Variants in GMDS observed in about 807,000 individuals in gnomAD.
GMDS encodes the protein GDP-mannose 4,6-dehydratase, also known as GDP-mannose 4,6 dehydratase.
Under a neutral mutation model 49.9 loss-of-function variants are expected in GMDS, and 20 were observed. The observed-to-expected ratio is 0.40, with a 90% CI of 0.28 to 0.58. The LOEUF is 0.58. GMDS is among the 20% of genes least tolerant of loss of function. GMDS has a pLI of 0.42. For synonymous variants in GMDS, 177 were observed against 178.6 expected, an observed-to-expected ratio of 0.99 and a Z score of 0.07; for missense variants, 362 against 481.4, an observed-to-expected ratio of 0.75 and a Z score of 2.32.
intron 4 of GMDS, among the ~76,000 whole-genome samples, chr6:2,018,487 A>G (rs1029676420): frequency 2.0e-5 from 3 of 152,194 alleles, no homozygotes; most frequent in Non-Finnish European, 4.4e-5. Flanking sequence ...TTTAGCAGTC[A>G]CTGGCCATTT....
At chr6:1,822,640 T>G (rs1403698984) in intron 7 of GMDS, among the ~76,000 whole-genome samples, 1 of 152,190 alleles carries the variant, frequency 6.6e-6, no homozygotes, top group African/African-American at 2.4e-5. Context: ...AATAGAATTA[T>G]CTGTTAATGT....
chr6:1,979,714 T>G (rs931124858), intron 4 of GMDS, among the ~76,000 whole-genome samples: 1 of 152,044 alleles, frequency 6.6e-6, no homozygotes, highest in African/African-American at 2.4e-5. Flanking sequence ...AAATACTTCA[T>G]AAGAAGATGA....
chr6:1,685,190 A>T (rs1167833386), intron 9 of GMDS, among the ~76,000 whole-genome samples: 2 of 150,168 alleles, frequency 1.3e-5, no homozygotes, highest in Non-Finnish European at 3.0e-5. Flanking sequence ...TGAGGTCAAG[A>T]GTTCGAGATC....
At chr6:2,168,374 G>T (rs1354447104) in intron 1 of GMDS, among the ~76,000 whole-genome samples, 1 of 152,198 alleles carries the variant, frequency 6.6e-6, no homozygotes, top group African/African-American at 2.4e-5. Context: ...AGATCCATGA[G>T]TAGAAGAAAC....
intron 4 of GMDS, among the ~76,000 whole-genome samples, chr6:2,039,535 T>A (rs1561997449): frequency 6.6e-6 from 1 of 152,146 alleles, no homozygotes; most frequent in Non-Finnish European, 1.5e-5. Context: ...ACAAAAAATA[T>A]TTTCTTTCTT....
intron 4 of GMDS, among the ~76,000 whole-genome samples, chr6:2,052,441 A>G (rs776916363): frequency 8.5e-5 from 13 of 152,238 alleles, no homozygotes; most frequent in Admixed American, 7.8e-4. Context: ...AAACAGAGAG[A>G]AAAACCTCCA....
intron 9 of GMDS, among the ~76,000 whole-genome samples, chr6:1,721,333 G>A (rs944558170): frequency 1.7e-4 from 26 of 152,066 alleles, no homozygotes; most frequent in African/African-American, 6.0e-4. Flanking sequence ...TTTAACCTAT[G>A]ATTTTTCCCT....
rs948592021 is a variant in GMDS at position 2,245,509 on chromosome 6, A to T, written c.-87T>A. ...CGGCAGGAACGCGGGGGTGTGCAGCACGAAGCGCCTCTCCAGGCTGCGGGC... is the reference window on the plus strand; with the variant it reads ...CGGCAGGAACGCGGGGGTGTGCAGCTCGAAGCGCCTCTCCAGGCTGCGGGC... On this transcript the variant is annotated 5_prime_UTR_variant, in exon 1 of 11. Coordinates refer to ENST00000380815, the MANE Select transcript of GMDS (RefSeq NM_001500.4). 3.0e-5 allele frequency: 20 copies of T among 657,302 alleles called. No individual in the cohort carries two copies. The highest frequency in any genetic ancestry group is 4.3e-5 in the Non-Finnish European group (19 of 444,116). The allele number at this position is 657,302 out of a possible 1,614,324, so 40.7% of individuals were successfully genotyped here.
chr6:1,724,066 T>C (rs777487009), intron 9 of GMDS, among the ~76,000 whole-genome samples: 17 of 152,302 alleles, frequency 1.1e-4, no homozygotes, highest in South Asian at 8.3e-4. Context: ...GGTTAAAAGT[T>C]TAGTCTCACC....
At chr6:1,727,563 A>G (rs1277231248) in intron 8 of GMDS, among the ~76,000 whole-genome samples, 1 of 152,124 alleles carries the variant, frequency 6.6e-6, no homozygotes, top group East Asian at 1.9e-4. Context: ...TCGGGGTCAG[A>G]GTCATCATGG....
chr6:1,724,838 C>T (rs1033421226), intron 9 of GMDS, among the ~76,000 whole-genome samples: 2 of 152,216 alleles, frequency 1.3e-5, no homozygotes, highest in African/African-American at 4.8e-5. Context: ...TCCATTAGCA[C>T]CGGGAACAAT....
At chr6:1,990,410 G>T (rs950337958) in intron 4 of GMDS, among the ~76,000 whole-genome samples, 1 of 152,142 alleles carries the variant, frequency 6.6e-6, no homozygotes, top group Non-Finnish European at 1.5e-5. Context: ...CCACATTCTG[G>T]TGTAAAGGAA....
At chr6:2,151,761 G>A (rs188095004) in intron 1 of GMDS, among the ~76,000 whole-genome samples, 1 of 152,094 alleles carries the variant, frequency 6.6e-6, no homozygotes, top group Admixed American at 6.5e-5. Flanking sequence ...AAGAATTTAA[G>A]ACATCTGTGT....
At chr6:1,653,782 C>T (rs1429154152) in intron 9 of GMDS, among the ~76,000 whole-genome samples, 5 of 152,248 alleles carry the variant, frequency 3.3e-5, no homozygotes, top group African/African-American at 4.8e-5. Context: ...TACCTTACAT[C>T]GTACATAAAA....
intron 3 of GMDS, 27 bp downstream of exon 3, chr6:2,117,442 A>C (rs769925393): frequency 1.6e-6 from 2 of 1,262,982 alleles, no homozygotes; most frequent in Non-Finnish European, 2.3e-6. Flanking sequence ...TTATAGAAAG[A>C]GATTCTAGAA....
intron 1 of GMDS, among the ~76,000 whole-genome samples, chr6:2,145,985 C>T (rs1412460287): frequency 6.6e-6 from 1 of 152,210 alleles, no homozygotes; most frequent in Non-Finnish European, 1.5e-5. Context: ...GACAACTATG[C>T]TGGCAAGTGC....
chr6:2,156,984 A>T (rs905208414), intron 1 of GMDS, among the ~76,000 whole-genome samples: 3 of 152,212 alleles, frequency 2.0e-5, no homozygotes, highest in African/African-American at 7.2e-5. Flanking sequence ...AAACTAGTTC[A>T]GATTTTTTTT....
At chr6:1,645,304 G>A (rs1407458243) in intron 9 of GMDS, among the ~76,000 whole-genome samples, 1 of 152,214 alleles carries the variant, frequency 6.6e-6, no homozygotes, top group Non-Finnish European at 1.5e-5. Context: ...CCCATGGGCA[G>A]AGAATCTATG....
intron 8 of GMDS, among the ~76,000 whole-genome samples, chr6:1,737,735 CACACAT>C (rs375401421): frequency 0.015 from 1,990 of 136,950 alleles, 33 homozygotes; most frequent in African/African-American, 0.043. Flanking sequence ...CAAACACACA[CACACAT>C]ACACATACAC....
Sources: allele counts gnomAD v4.1 joint callset (sites outside exome capture counted in the v4.1 genomes callset), GRCh38; gene constraint gnomAD v4.1.1; transcripts MANE v1.5; gene names NCBI Gene and HGNC (gene_info 2026-07-23, HGNC 2026-07-21).